The following HMCN1 variants were observed in gnomAD, a reference collection of about 807,000 sequenced individuals.
HMCN1 encodes the protein hemicentin-1.
In HMCN1, 321 loss-of-function variants were observed where a neutral mutation model predicts 625.9. The observed-to-expected ratio is 0.51, with a 90% CI of 0.47 to 0.56. The LOEUF (loss-of-function observed/expected upper bound fraction) is 0.56, where lower values mean the gene tolerates loss of function less well. Among genes scored for constraint, HMCN1 ranks in the 20% least tolerant of loss-of-function variants. The pLI is 0.00. For missense variants in HMCN1, 6,588 were observed against 6,887.3 expected (o/e 0.96, Z 1.54); for synonymous variants, 2,425 against 2,417.6 (o/e 1.00, Z -0.09).
At chr1:186,084,389 T>C (rs967313141) in intron 57 of HMCN1, among the ~76,000 whole-genome samples, 1 of 152,136 alleles carries the variant, frequency 6.6e-6, no homozygotes, top group African/African-American at 2.4e-5. Flanking sequence ...GTTTTACCAA[T>C]AAGGATTGGA....
chr1:185,739,380 A>G (rs941925221), intron 1 of HMCN1, among the ~76,000 whole-genome samples: 6 of 152,202 alleles, frequency 3.9e-5, no homozygotes, highest in Admixed American at 1.3e-4. Flanking sequence ...CACTCAAAAT[A>G]TATTCCTCCC....
intron 2 of HMCN1, among the ~76,000 whole-genome samples, chr1:185,864,010 T>G (rs914813589): frequency 3.9e-5 from 6 of 152,174 alleles, no homozygotes; most frequent in African/African-American, 1.2e-4. Flanking sequence ...TAGCCATGAG[T>G]GCAAGCAAGT....
chr1:185,799,941 A>G (rs552842930), intron 1 of HMCN1, among the ~76,000 whole-genome samples: 11 of 152,252 alleles, frequency 7.2e-5, no homozygotes, highest in Non-Finnish European at 1.5e-4. Context: ...AAAACTGGAT[A>G]GGGTTGGGTT....
intron 13 of HMCN1, 68 bp from the exon 14 acceptor site, chr1:185,965,734 G>GTAAA (rs1394570635): frequency 2.2e-6 from 2 of 914,034 alleles, no homozygotes; most frequent in Non-Finnish European, 1.8e-6. Context: ...GGTTCATTTA[G>GTAAA]TAAACATAAA....
chr1:186,083,405 A>G lies in HMCN1; in HGVS notation c.8884+444A>G, dbSNP rs1030277437. ...TGGAGAAGAAAAAGTCACTTTGTGG[A>G]GTTAAATAATTCCTTTAAAACCACC... is the stretch of plus-strand genomic sequence containing the variant. On this transcript the variant is annotated intron_variant, in intron 57 of 106. Transcript: ENST00000271588. Among the ~76,000 whole-genome samples, 16 of 151,578 alleles carry G rather than the reference A, an allele frequency of 1.1e-4. No homozygotes were observed. The East Asian group carries it at 1.6e-3, about 15-fold the overall frequency.
At chr1:186,119,986 C>A (rs1232881153) in intron 79 of HMCN1, 25 bp from the exon 80 acceptor site, 3 of 1,612,900 alleles carry the variant, frequency 1.9e-6, no homozygotes, top group African/African-American at 2.7e-5. Context: ...TTTTTCCCCA[C>A]TCTGCTTTTG....
chr1:186,151,481 G>C (rs894428975), intron 94 of HMCN1, 125 bp from the exon 95 acceptor site: 1 of 1,248,602 alleles, frequency 8.0e-7, no homozygotes, highest in African/African-American at 1.5e-5. Context: ...CATACATGAG[G>C]TACTGGTATT....
intron 4 of HMCN1, among the ~76,000 whole-genome samples, chr1:185,871,023 A>G (rs1330151891): frequency 6.6e-6 from 1 of 152,100 alleles, no homozygotes; most frequent in Non-Finnish European, 1.5e-5. Context: ...TGAGGTCAAG[A>G]GATCGAGACC....
At chr1:186,080,890 A>G (rs929693688) in intron 55 of HMCN1, among the ~76,000 whole-genome samples, 1 of 152,144 alleles carries the variant, frequency 6.6e-6, no homozygotes, top group Non-Finnish European at 1.5e-5. Flanking sequence ...GAAAACTCAG[A>G]AGGTATAGTG....
intron 48 of HMCN1, among the ~76,000 whole-genome samples, chr1:186,063,066 G>GTGTGTA (rs1491400415): frequency 1.3e-4 from 4 of 29,938 alleles, no homozygotes; most frequent in South Asian, 1.3e-3. Flanking sequence ...GTGTGTGTGT[G>GTGTGTA]CATATATATA....
intron 68 of HMCN1, among the ~76,000 whole-genome samples, chr1:186,099,754 C>T (rs1301339395): frequency 2.6e-5 from 4 of 151,992 alleles, no homozygotes; most frequent in Non-Finnish European, 5.9e-5. Flanking sequence ...ACATTTCTCA[C>T]CTGGAGGTAA....
At position 186,145,804 on chromosome 1, in the gene HMCN1, G is replaced by C; in HGVS notation, c.14489G>C (p.Cys4830Ser). 1 of 1,614,124 alleles carries C rather than the reference G, an allele frequency of 6.2e-7. No homozygotes were observed. The highest frequency in any genetic ancestry group is 8.5e-7 in the Non-Finnish European group (1 of 1,179,990). The change falls in exon 93 of 107, where the codon TGT (cysteine) becomes TCT (serine). Residue 4830 changes from cysteine to serine, a missense_variant. By Grantham distance (112) the Cys-to-Ser change is moderately radical. Around this residue, in one of 3 missense-constraint regions of HMCN1, gnomAD observed 1,954 missense variants for 2,013.1 expected, o/e 0.97. Transcript: ENST00000271588. ...WHSWSQCSASCGGGEKTRKRL... is the reference protein window; with the variant it reads ...WHSWSQCSASSGGGEKTRKRL... ...AGTTGGAGCCAGTGCTCTGCCTCCT[G>C]TGGAGGAGGTGAAAAGACTCGGAAG...
At chr1:186,080,792 C>A (rs1468865259) in intron 55 of HMCN1, among the ~76,000 whole-genome samples, 1 of 152,144 alleles carries the variant, frequency 6.6e-6, no homozygotes, top group African/African-American at 2.4e-5. Flanking sequence ...TTCAATTACA[C>A]TTTAAAAGGT....
Position 186,003,777 on chromosome 1 carries a change from G to A in HMCN1, c.4408G>A (p.Asp1470Asn), listed in dbSNP as rs759976121. The A allele has an allele frequency of 6.2e-7, 1 of 1,613,222 alleles. No individual in the cohort carries two copies. The highest frequency in any genetic ancestry group is 1.1e-5 in the South Asian group (1 of 91,070). The change falls in exon 29 of 107, where the codon GAC becomes AAC. Residue 1470 changes from aspartate (D) to asparagine (N), a missense_variant. Physicochemically the swap from Asp to Asn is conservative, Grantham distance 23. Around this residue, in one of 3 missense-constraint regions of HMCN1, gnomAD observed 4,628 missense variants for 4,853.1 expected, o/e 0.95. Coordinates refer to ENST00000271588, the MANE Select transcript of HMCN1 (RefSeq NM_031935.3). ...PNEVSVVLNR[D>N]VALECQVKGT... Reference sequence around the variant, plus strand: ...TGAAGTCTCAGTTGTCCTCAACCGTGACGTCGCCCTTGAATGCCAGGTCAA... The same window carrying A: ...TGAAGTCTCAGTTGTCCTCAACCGTAACGTCGCCCTTGAATGCCAGGTCAA...
intron 11 of HMCN1, among the ~76,000 whole-genome samples, chr1:185,953,477 T>C (rs1486287310): frequency 1.3e-5 from 2 of 151,754 alleles, no homozygotes; most frequent in African/African-American, 2.4e-5. Context: ...GTCTCCTTTG[T>C]CTCTACCAGA....
intron 75 of HMCN1, among the ~76,000 whole-genome samples, chr1:186,116,033 TA>T (rs1477847173): frequency 6.6e-6 from 1 of 152,144 alleles, no homozygotes; most frequent in Non-Finnish European, 1.5e-5. Context: ...GCCATAGCGC[TA>T]AAAATAAATG....
chr1:185,969,976 G>A (rs1650695511), intron 14 of HMCN1, among the ~76,000 whole-genome samples: 1 of 152,142 alleles, frequency 6.6e-6, no homozygotes, highest in African/African-American at 2.4e-5. Context: ...CATCTACTGA[G>A]TAACCAAATG....
intron 97 of HMCN1, among the ~76,000 whole-genome samples, chr1:186,156,330 A>T (rs1372938914): frequency 6.6e-6 from 1 of 152,248 alleles, no homozygotes; most frequent in Non-Finnish European, 1.5e-5. Flanking sequence ...CTTAATACAT[A>T]CAAAGGCGCT....
chr1:186,108,516 C>T lies in HMCN1; in HGVS notation c.10908C>T (p.Asn3636=), dbSNP rs2102457401. The part of the protein sequence containing the change: ...DEPRDITVLR[N]RQVTLECKSD... ...CCCGGGATATCACTGTGTTACGGAA[C>T]AGACAAGTGACATTGGAATGCAAGT... Residue 3636 remains asparagine, a synonymous_variant, in exon 71 of 107, where the codon AAC becomes AAT. Transcript: ENST00000271588. 6.2e-7 allele frequency: 1 copy of T among 1,614,122 alleles called. No homozygotes were observed. The highest frequency in any genetic ancestry group is 8.5e-7 in the Non-Finnish European group (1 of 1,180,016).
Sources: allele counts gnomAD v4.1 joint callset (sites outside exome capture counted in the v4.1 genomes callset), GRCh38; gene constraint gnomAD v4.1.1; regional missense constraint gnomAD v4.1.1; transcripts MANE v1.5; gene names NCBI Gene and HGNC (gene_info 2026-07-23, HGNC 2026-07-21).